The following IKZF2 variants were observed in gnomAD, a reference collection of about 807,000 sequenced individuals.
The protein encoded by IKZF2 is zinc finger protein Helios.
Under a neutral mutation model 49.2 loss-of-function variants are expected in IKZF2, and 15 were observed. That is an observed-to-expected ratio of 0.30 (90% confidence interval 0.20 to 0.47). The LOEUF is 0.47. Ranked by LOEUF, IKZF2 falls within the 20% of genes least tolerant of loss-of-function variation. IKZF2 has a pLI of 1.00. For synonymous variants in IKZF2, 227 were observed against 221.4 expected, an observed-to-expected ratio of 1.03 and a Z score of -0.23; for missense variants, 567 against 664.6, an observed-to-expected ratio of 0.85 and a Z score of 1.61.
At chr2:213,058,046 T>A (rs1701333324) in intron 4 of IKZF2, among the ~76,000 whole-genome samples, 1 of 152,142 alleles carries the variant, frequency 6.6e-6, no homozygotes, top group Admixed American at 6.6e-5. Context: ...AGAAGTCATA[T>A]CAAAGTTACT....
At chr2:213,140,867 T>C (rs887686376) in intron 4 of IKZF2, among the ~76,000 whole-genome samples, 2 of 152,012 alleles carry the variant, frequency 1.3e-5, no homozygotes, top group East Asian at 1.9e-4. Context: ...AAATATGGTA[T>C]TAAACTACTG....
At chr2:213,025,601 T>A (rs531236355) in intron 6 of IKZF2, among the ~76,000 whole-genome samples, 1 of 152,282 alleles carries the variant, frequency 6.6e-6, no homozygotes, top group East Asian at 1.9e-4. Context: ...CATATCGAGT[T>A]ATTAAACACA....
chr2:213,066,548 C>G (rs900368), intron 4 of IKZF2, among the ~76,000 whole-genome samples: 85,031 of 151,866 alleles, frequency 0.56, 24,423 homozygotes, highest in African/African-American at 0.65. Context: ...ATTTGGCCCT[C>G]AGATGCAGGA....
intron 6 of IKZF2, among the ~76,000 whole-genome samples, chr2:213,042,829 A>G (rs1475438796): frequency 6.6e-6 from 1 of 152,090 alleles, no homozygotes; most frequent in Non-Finnish European, 1.5e-5. Flanking sequence ...CACTGAAAGA[A>G]AAGAGCTTGG....
intron 8 of IKZF2, among the ~76,000 whole-genome samples, chr2:213,011,874 G>A (rs906554152): frequency 9.9e-5 from 15 of 152,008 alleles, no homozygotes; most frequent in Admixed American, 9.2e-4. Flanking sequence ...AAGACAGTAG[G>A]GTTTCATCAG....
intron 6 of IKZF2, among the ~76,000 whole-genome samples, chr2:213,031,444 C>T (rs1698422726): frequency 6.6e-6 from 1 of 152,124 alleles, no homozygotes; most frequent in South Asian, 2.1e-4. Flanking sequence ...AAATCACAGA[C>T]ATTTGAAAGC....
intron 4 of IKZF2, among the ~76,000 whole-genome samples, chr2:213,076,853 G>A (rs1046174563): frequency 1.1e-4 from 17 of 152,184 alleles, no homozygotes; most frequent in African/African-American, 3.4e-4. Flanking sequence ...CGTGAGCGGA[G>A]ATCGCGCCAC....
chr2:213,076,149 T>G (rs974903313), intron 4 of IKZF2, among the ~76,000 whole-genome samples: 1 of 151,856 alleles, frequency 6.6e-6, no homozygotes, highest in African/African-American at 2.4e-5. Flanking sequence ...GGGAAAAAAG[T>G]GAACGGAAGT....
rs1191338172 is a variant in IKZF2, at chr2:213,147,796, T to C, written c.51A>G (p.Ser17=). 1 of 1,613,120 alleles carries C rather than the reference T, an allele frequency of 6.2e-7. No individual in the cohort carries two copies. Among genetic ancestry groups the C allele is most frequent in the Non-Finnish European group, 8.5e-7 (1 of 1,179,152 alleles). The change falls in exon 4 of 9, where the codon TCA becomes TCG. Residue 17 remains serine, a synonymous_variant. Coordinates refer to ENST00000434687, the MANE Select transcript of IKZF2 (RefSeq NM_001387220.1). Reference sequence around the variant, plus strand: ...CCATATTGGAGTGCTCCCTTTCGGGTGAAAGCTCATTGTCACCTGCTTTCA... The same window carrying C: ...CCATATTGGAGTGCTCCCTTTCGGGCGAAAGCTCATTGTCACCTGCTTTCA... ...DGYITCDNEL[S]PEREHSNMAI... is the part of the protein sequence containing the mutation.
chr2:213,041,976 TC>T (rs1486887807), intron 6 of IKZF2, among the ~76,000 whole-genome samples: 1 of 152,100 alleles, frequency 6.6e-6, no homozygotes, highest in East Asian at 1.9e-4. Flanking sequence ...ATTAGCAAAA[TC>T]CAGGGAGAAA....
At chr2:213,079,449 G>A (rs1703663886) in intron 4 of IKZF2, among the ~76,000 whole-genome samples, 1 of 137,910 alleles carries the variant, frequency 7.3e-6, no homozygotes, top group East Asian at 2.0e-4. Context: ...AGGAGGGAGG[G>A]AGGGTGGAAG....
At chr2:213,116,232 T>G (rs1272121945) in intron 4 of IKZF2, among the ~76,000 whole-genome samples, 2 of 152,236 alleles carry the variant, frequency 1.3e-5, no homozygotes, top group Non-Finnish European at 2.9e-5. Flanking sequence ...AATGTATGTA[T>G]GTGCTTAGAA....
At chr2:213,124,262 A>T (rs3953341) in intron 4 of IKZF2, among the ~76,000 whole-genome samples, 6 of 92,304 alleles carry the variant, frequency 6.5e-5, no homozygotes, top group African/African-American at 2.1e-4. Flanking sequence ...GCACACACAC[A>T]CACACACACA....
intron 6 of IKZF2, among the ~76,000 whole-genome samples, chr2:213,044,773 A>C (rs1053481651): frequency 2.0e-5 from 3 of 152,228 alleles, no homozygotes; most frequent in African/African-American, 7.2e-5. Context: ...TATCCACTTA[A>C]GCCTCAAGGC....
At chr2:213,089,409 T>C (rs970894882) in intron 4 of IKZF2, among the ~76,000 whole-genome samples, 1 of 152,126 alleles carries the variant, frequency 6.6e-6, no homozygotes, top group African/African-American at 2.4e-5. Context: ...TTGCTTGCAG[T>C]CCTCTCCCTT....
chr2:213,061,214 C>A (rs1211914269), intron 4 of IKZF2, among the ~76,000 whole-genome samples: 2 of 149,936 alleles, frequency 1.3e-5, no homozygotes, highest in Admixed American at 1.3e-4. Flanking sequence ...AGGCTCTCTA[C>A]AATCAAAGGC....
At chr2:213,077,480 G>T (rs1421409874) in intron 4 of IKZF2, among the ~76,000 whole-genome samples, 1 of 150,862 alleles carries the variant, frequency 6.6e-6, no homozygotes, top group Non-Finnish European at 1.5e-5. Flanking sequence ...AAGTAAGTAT[G>T]AACTATAAAA....
At chr2:213,009,454 T>C (rs969213996) in intron 8 of IKZF2, among the ~76,000 whole-genome samples, 7 of 152,086 alleles carry the variant, frequency 4.6e-5, no homozygotes, top group African/African-American at 1.7e-4. Flanking sequence ...CCATAAATGG[T>C]TAATATGTTG....
intron 7 of IKZF2, among the ~76,000 whole-genome samples, chr2:213,019,714 T>G (rs961235777): frequency 6.6e-6 from 1 of 152,186 alleles, no homozygotes. Flanking sequence ...CTGCTCTACC[T>G]ACCCAGTGCC....
Sources: allele counts gnomAD v4.1 joint callset (sites outside exome capture counted in the v4.1 genomes callset), GRCh38; gene constraint gnomAD v4.1.1; transcripts MANE v1.5; gene names NCBI Gene and HGNC (gene_info 2026-07-23, HGNC 2026-07-21).